TOGARAM2: variants seen among roughly 807,000 people sequenced by gnomAD.
TOGARAM2 encodes TOG array regulator of axonemal microtubules protein 2.
A neutral mutation model predicts 93.3 loss-of-function variants in TOGARAM2; 85 were observed. That is an observed-to-expected ratio of 0.91 (90% CI 0.76 to 1.09). The LOEUF is 1.09. Among genes scored for constraint, TOGARAM2 ranks in the 50% least tolerant of loss-of-function variants. The pLI is 0.00. For synonymous variants in TOGARAM2, 593 were observed against 552.8 expected (o/e 1.07, Z -1.02); for missense variants, 1,277 against 1,334.5 (o/e 0.96, Z 0.67).
intron 14 of TOGARAM2, 49 bp downstream of exon 14, chr2:29,027,060 A>G: frequency 6.7e-7 from 1 of 1,491,136 alleles, no homozygotes; most frequent in African/African-American, 1.4e-5. Flanking sequence ...CCAACCAGCC[A>G]GCCCTGAGGG....
intron 11 of TOGARAM2, among the ~76,000 whole-genome samples, 180 bp downstream of exon 11, chr2:29,022,488 G>A (rs1665022139): frequency 6.6e-6 from 1 of 152,214 alleles, no homozygotes; most frequent in Admixed American, 6.5e-5. Context: ...ATGTGCGTGT[G>A]TGCATGAGTG....
At chr2:28,958,135 T>A (rs1168916004) in intron 1 of TOGARAM2, among the ~76,000 whole-genome samples, 1 of 152,120 alleles carries the variant, frequency 6.6e-6, no homozygotes, top group Non-Finnish European at 1.5e-5. Context: ...TTCTAGAAAT[T>A]TGCAACTTGA....
At chr2:28,959,120 C>T (rs1671764817) in intron 1 of TOGARAM2, among the ~76,000 whole-genome samples, 1 of 152,164 alleles carries the variant, frequency 6.6e-6, no homozygotes, top group Admixed American at 6.5e-5. Context: ...GCTGTACCCT[C>T]CCTGGACCTG....
At chr2:29,047,586 G>T (rs978775449) in intron 19 of TOGARAM2, 2 of 152,212 alleles carry the variant, frequency 1.3e-5, no homozygotes, top group African/African-American at 4.8e-5. Flanking sequence ...GCTTGCTCCC[G>T]CATGCTGGCC....
At chr2:29,045,024 A>G (rs1666659708) in intron 18 of TOGARAM2, among the ~76,000 whole-genome samples, 1 of 151,962 alleles carries the variant, frequency 6.6e-6, no homozygotes, top group African/African-American at 2.4e-5. Context: ...CTACCTGTCT[A>G]CTTTGCTTTG....
At chr2:28,966,705 T>C (rs996598128) in intron 1 of TOGARAM2, among the ~76,000 whole-genome samples, 1 of 152,230 alleles carries the variant, frequency 6.6e-6, no homozygotes, top group Non-Finnish European at 1.5e-5. Context: ...CATCCCAATG[T>C]AGGCAAAATT....
At chr2:28,994,916 G>C in intron 2 of TOGARAM2, 54 bp downstream of exon 2, 1 of 1,546,434 alleles carries the variant, frequency 6.5e-7, no homozygotes, top group Non-Finnish European at 8.8e-7. Context: ...TAGGGGACCT[G>C]CCTCGGACAC....
chr2:29,051,758 C>A lies in TOGARAM2; in HGVS notation c.2725C>A (p.Leu909Met). 6.7e-7 allele frequency: 1 copy of A among 1,500,838 alleles called. No homozygotes were observed. The highest frequency in any genetic ancestry group is 1.3e-5 in the South Asian group (1 of 75,830). The allele number at this position is 1,500,838 out of a possible 1,614,324, so 93.0% of individuals were successfully genotyped here. A position where few individuals can be genotyped will look rare whatever the true frequency, so the allele number is the denominator to read the frequency against. ...GACTCTCCTTTTCTGCCTGACAGTG[C>A]TGGTGGCCTCAGTTTACCCCCGGAA... ...VLDVTDRLAV[L>M]VASVYPRKPQ... The change falls in exon 20 of 20, where the codon CTG becomes ATG. Residue 909 changes from leucine to methionine, a missense_variant and splice_region_variant. Leu to Met is a conservative substitution (Grantham distance 15). Coordinates refer to ENST00000379558, the MANE Select transcript of TOGARAM2 (RefSeq NM_199280.4).
intron 1 of TOGARAM2, among the ~76,000 whole-genome samples, chr2:28,965,378 T>A (rs1021706732): frequency 2.0e-5 from 3 of 152,208 alleles, no homozygotes; most frequent in Admixed American, 6.6e-5. Context: ...TGAATAATTT[T>A]AAAATTTCAC....
At chr2:28,989,753 G>C (rs1221245160) in intron 1 of TOGARAM2, among the ~76,000 whole-genome samples, 11 of 152,162 alleles carry the variant, frequency 7.2e-5, no homozygotes, top group Non-Finnish European at 1.5e-4. Flanking sequence ...GGCCAGGCTG[G>C]TCTCGAACTC....
rs531324889 is a variant in TOGARAM2, at chr2:29,051,404, G to A, written c.2723-352G>A. 2.0e-4 allele frequency: 35 copies of A among 174,712 alleles called. No individual in the cohort carries two copies. The South Asian group carries it at 5.3e-3, about 26-fold the overall frequency. The allele number at this position is 174,712 out of a possible 1,614,324, so 10.8% of individuals were successfully genotyped here. A position where few individuals can be genotyped will look rare whatever the true frequency, so the allele number is the denominator to read the frequency against. On this transcript the variant is annotated intron_variant, in intron 19 of 19. Transcript: ENST00000379558. ...GATGGGGGCAGGATTGTAACCAGGCGTGCCTGCCTCTTTCCTGTTCCCTGG... is the reference window on the plus strand; with the variant it reads ...GATGGGGGCAGGATTGTAACCAGGCATGCCTGCCTCTTTCCTGTTCCCTGG...
chr2:28,973,278 G>A (rs1051520464), intron 1 of TOGARAM2, among the ~76,000 whole-genome samples: 3 of 152,142 alleles, frequency 2.0e-5, no homozygotes, highest in African/African-American at 7.2e-5. Flanking sequence ...TCCTTGGACA[G>A]CAACTCTATG....
intron 8 of TOGARAM2, among the ~76,000 whole-genome samples, 171 bp downstream of exon 8, chr2:29,014,732 G>T (rs1441046570): frequency 6.6e-6 from 1 of 152,150 alleles, no homozygotes; most frequent in Admixed American, 6.6e-5. Flanking sequence ...ACGGGGTTGG[G>T]GTGAAGGCTG....
In TOGARAM2 at chr2:28,998,187, C is replaced by T. The variant is rs370559743; in HGVS notation, c.73C>T (p.Arg25Trp). 7.5e-4 allele frequency: 1,205 copies of T among 1,611,878 alleles called. 2 individuals carry two copies. The highest frequency in any genetic ancestry group is 9.0e-4 in the Non-Finnish European group (1,067 of 1,179,130). ...PVAVYCGSIP[R>W]TSAGPRVLPP... is the part of the protein sequence containing the mutation. Reference sequence around the variant, plus strand: ...GGCCGTGTACTGCGGGAGCATCCCTCGGACCAGTGCTGGGCCCCGGGTGCT... The same window carrying T: ...GGCCGTGTACTGCGGGAGCATCCCTTGGACCAGTGCTGGGCCCCGGGTGCT... The change falls in exon 3 of 20, where the codon CGG (arginine) becomes TGG (tryptophan). Residue 25 changes from arginine (R) to tryptophan (W), a missense_variant. Coordinates refer to ENST00000379558, the MANE Select transcript of TOGARAM2 (RefSeq NM_199280.4).
At position 29,014,415 on chromosome 2, in the gene TOGARAM2, C is replaced by T. The variant is rs1451090681; in HGVS notation, c.898C>T (p.Pro300Ser). 4 of 1,610,292 alleles carry T rather than the reference C, an allele frequency of 2.5e-6. No individual in the cohort carries two copies. Among genetic ancestry groups the T allele is most frequent in the Non-Finnish European group, 3.4e-6 (4 of 1,178,750 alleles). ...CTCAGAGCCAAAACCTTTGGCCTCA[C>T]CCATCAGAGACAGGCCTGCCGCTGC... ...ASLEPKPLAS[P>S]IRDRPAAAKK... Residue 300 changes from proline (P) to serine (S), a missense_variant, in exon 8 of 20, where the codon CCC (proline) becomes TCC (serine). Pro to Ser is a moderately conservative substitution (Grantham distance 74, BLOSUM62 -1). Coordinates refer to ENST00000379558, the MANE Select transcript of TOGARAM2 (RefSeq NM_199280.4).
chr2:29,044,148 C>T lies in TOGARAM2; in HGVS notation c.2636-1176C>T, dbSNP rs866317116. Among the ~76,000 whole-genome samples, 8 of 152,326 alleles carry T rather than the reference C, an allele frequency of 5.3e-5. No individual in the cohort carries two copies. In the East Asian group the frequency reaches 7.7e-4, roughly 15 times the overall value. On this transcript the variant is annotated intron_variant, in intron 18 of 19. Coordinates refer to ENST00000379558, the MANE Select transcript of TOGARAM2 (RefSeq NM_199280.4). ...GCTGGGCAGCCAGGGAGCTGCGCCT[C>T]GCAGCTGGGTGTGGCTGGATGGTTG...
intron 5 of TOGARAM2, 29 bp downstream of exon 5, chr2:29,002,776 G>T: frequency 6.3e-7 from 1 of 1,593,670 alleles, no homozygotes; most frequent in Non-Finnish European, 8.6e-7. Flanking sequence ...TGTGAGTCTG[G>T]TCCTCAGCTT....
At chr2:28,972,711 A>C (rs369168940) in intron 1 of TOGARAM2, among the ~76,000 whole-genome samples, 8 of 152,296 alleles carry the variant, frequency 5.3e-5, no homozygotes, top group African/African-American at 1.9e-4. Flanking sequence ...CACAGCTGGA[A>C]TAGAACGTAG....
chr2:29,002,185 G>T (rs1673340427), intron 4 of TOGARAM2, among the ~76,000 whole-genome samples: 1 of 152,192 alleles, frequency 6.6e-6, no homozygotes, highest in African/African-American at 2.4e-5. Context: ...TCACAGAAGT[G>T]TAATGGGGTT....
Sources: allele counts gnomAD v4.1 joint callset (sites outside exome capture counted in the v4.1 genomes callset), GRCh38; gene constraint gnomAD v4.1.1; transcripts MANE v1.5; gene names NCBI Gene and HGNC (gene_info 2026-07-23, HGNC 2026-07-21).